TRAF3IP1: variants seen among roughly 807,000 people sequenced by gnomAD.
TRAF3IP1 encodes the protein TRAF3-interacting protein 1.
A neutral mutation model predicts 89.9 loss-of-function variants in TRAF3IP1; 53 were observed. That is an observed-to-expected ratio of 0.59 (90% CI 0.47 to 0.74). TRAF3IP1 has a LOEUF of 0.74. Ranked by LOEUF, TRAF3IP1 falls within the 30% of genes least tolerant of loss-of-function variation. TRAF3IP1 has a pLI of 0.00. For missense variants in TRAF3IP1, 806 were observed against 866.1 expected (o/e 0.93, Z 0.87); for synonymous variants, 311 against 322.1 (o/e 0.97, Z 0.37).
intron 15 of TRAF3IP1, among the ~76,000 whole-genome samples, chr2:238,357,125 G>C (rs1699451423): frequency 6.6e-6 from 1 of 152,042 alleles, no homozygotes. Context: ...TATTGTACCT[G>C]GTTCCCCGCA....
intron 15 of TRAF3IP1, among the ~76,000 whole-genome samples, chr2:238,366,449 A>G (rs1408632473): frequency 6.6e-6 from 1 of 152,238 alleles, no homozygotes; most frequent in Non-Finnish European, 1.5e-5. Context: ...CCTGAAAAAA[A>G]AATAGATACA....
rs1700070237 is a variant in TRAF3IP1, at chr2:238,370,577, C to T, written c.1689+14497C>T. Among the ~76,000 whole-genome samples the T allele has an allele frequency of 3.3e-5, 5 of 152,262 alleles. No individual in the cohort carries two copies. The South Asian group carries it at 8.3e-4, about 25-fold the overall frequency. Reference sequence around the variant, plus strand: ...ATTCTCCCTACCCCGGGCTCTCCCACCCCCAGCCTAGTGTACATGCTTCCC... The same window carrying T: ...ATTCTCCCTACCCCGGGCTCTCCCATCCCCAGCCTAGTGTACATGCTTCCC... On this transcript the variant is annotated intron_variant, in intron 15 of 16. Transcript: ENST00000373327.
chr2:238,384,685 A>G (rs1700692747), intron 15 of TRAF3IP1, among the ~76,000 whole-genome samples: 1 of 150,836 alleles, frequency 6.6e-6, no homozygotes, highest in African/African-American at 2.4e-5. Context: ...GCCTGGCCTG[A>G]TGTCCTTTAA....
intron 15 of TRAF3IP1, among the ~76,000 whole-genome samples, chr2:238,383,407 C>CT (rs1307652151): frequency 6.6e-6 from 1 of 152,198 alleles, no homozygotes. Flanking sequence ...CCTTTGGAAA[C>CT]TACCTATTAA....
At chr2:238,344,095 C>T (rs530457745) in intron 8 of TRAF3IP1, among the ~76,000 whole-genome samples, 3 of 152,220 alleles carry the variant, frequency 2.0e-5, no homozygotes, top group African/African-American at 7.2e-5. Context: ...TGCACTGTGT[C>T]CAAAATATTT....
chr2:238,398,275 G>A (rs2106388015), intron 16 of TRAF3IP1, among the ~76,000 whole-genome samples: 1 of 126,936 alleles, frequency 7.9e-6, no homozygotes, highest in Non-Finnish European at 1.7e-5. Flanking sequence ...CACAGGTAGG[G>A]GATAGCGGAG....
At chr2:238,334,713 TAGAA>T (rs1188751484) in intron 7 of TRAF3IP1, among the ~76,000 whole-genome samples, 1 of 152,220 alleles carries the variant, frequency 6.6e-6, no homozygotes, top group Non-Finnish European at 1.5e-5. Context: ...ATTTTCGCCT[TAGAA>T]AGGAGGCTTA....
chr2:238,343,684 ACTCTTTGCCCTG>A (rs1267835032), intron 8 of TRAF3IP1, among the ~76,000 whole-genome samples: 1 of 104,362 alleles, frequency 9.6e-6, no homozygotes, highest in Non-Finnish European at 1.8e-5. Flanking sequence ...ATAGGGTCTT[ACTCTTTGCCCTG>A]GGCTGGAGTG....
chr2:238,366,255 A>G (rs1699871052), intron 15 of TRAF3IP1, among the ~76,000 whole-genome samples: 1 of 152,204 alleles, frequency 6.6e-6, no homozygotes, highest in African/African-American at 2.4e-5. Context: ...AAAATCAGGC[A>G]CCAGCTATAT....
intron 7 of TRAF3IP1, 50 bp downstream of exon 7, chr2:238,334,085 T>TA: frequency 6.9e-7 from 1 of 1,452,562 alleles, no homozygotes; most frequent in Non-Finnish European, 9.4e-7. Context: ...TTAGTTTTTT[T>TA]TTTTTTTGTC....
intron 15 of TRAF3IP1, among the ~76,000 whole-genome samples, chr2:238,360,041 T>C (rs1410465241): frequency 1.3e-5 from 2 of 152,218 alleles, no homozygotes; most frequent in Admixed American, 6.5e-5. Flanking sequence ...CTGAGAGGGC[T>C]ACTAAGTGAC....
At chr2:238,324,934 C>T (rs564130597) in intron 1 of TRAF3IP1, among the ~76,000 whole-genome samples, 5 of 152,110 alleles carry the variant, frequency 3.3e-5, no homozygotes, top group Admixed American at 1.3e-4. Context: ...CATGTGCATC[C>T]GAAATGTCCC....
At position 238,343,449 on chromosome 2, in the gene TRAF3IP1, A is replaced by G. The variant is rs137995858; in HGVS notation, c.1160-1048A>G. 6.1e-3 allele frequency among the ~76,000 whole-genome samples: 923 copies of G among 151,200 alleles called. 10 individuals are homozygous for G. The highest frequency in any genetic ancestry group is 0.021 in the African/African-American group (877 of 41,156). ...CAGGCTGGAGAGTGGTGGCATGATC[A>G]TGGCTCACTGCAGCCTCGACCTCCT... is the stretch of plus-strand genomic sequence containing the variant. On this transcript the variant is annotated intron_variant, in intron 8 of 16. Coordinates refer to ENST00000373327, the MANE Select transcript of TRAF3IP1 (RefSeq NM_015650.4).
rs749672770 is a variant in TRAF3IP1 at position 238,334,031 on chromosome 2, G to T, written c.1059G>T (p.Val353=). Residue 353 remains valine, a synonymous_variant, in exon 7 of 17, where the codon GTG becomes GTT. Transcript: ENST00000373327. The part of the protein sequence containing the change: ...KTSKRRSKNS[V]EGRKEDNISA... ...CAAAACGGCGATCCAAAAATTCAGT[G>T]GAAGGTACTGCAAAACTTATATATG... 6.2e-7 allele frequency: 1 copy of T among 1,607,906 alleles called. No homozygotes were observed. The highest frequency in any genetic ancestry group is 1.1e-5 in the South Asian group (1 of 90,284).
chr2:238,342,419 A>G (rs1559365149), intron 8 of TRAF3IP1, among the ~76,000 whole-genome samples: 1 of 151,998 alleles, frequency 6.6e-6, no homozygotes, highest in Non-Finnish European at 1.5e-5. Context: ...GTCTGTTTTC[A>G]TGTTCTTTCT....
rs77693902 is a variant in TRAF3IP1, at chr2:238,351,836, T to G, written c.1452-991T>G. 1.3e-3 allele frequency among the ~76,000 whole-genome samples: 56 copies of G among 44,052 alleles called. No individual in the cohort carries two copies. Among genetic ancestry groups the G allele is most frequent in the South Asian group, 2.7e-3 (4 of 1,506 alleles). 28.9% of individuals were successfully genotyped at this position (44,052 alleles called of 152,430 possible). ...GCACTGAAGCAAGGGAGGATTTTGG[T>G]GTGTGTGTGTGTGTGTGTGTGTGTG... is the stretch of plus-strand genomic sequence containing the variant. On this transcript the variant is annotated intron_variant, in intron 12 of 16. Transcript: ENST00000373327. The surrounding 1 kb of genome is among the most constrained non-coding windows in gnomAD (Gnocchi z 5.2).
chr2:238,383,242 T>C (rs1246004480), intron 15 of TRAF3IP1, among the ~76,000 whole-genome samples: 1 of 152,132 alleles, frequency 6.6e-6, no homozygotes, highest in Admixed American at 6.5e-5. Context: ...CCCCATCTCC[T>C]TGGTGTCTCG....
At chr2:238,387,985 T>C (rs777220566) in intron 15 of TRAF3IP1, among the ~76,000 whole-genome samples, 10 of 152,134 alleles carry the variant, frequency 6.6e-5, no homozygotes, top group Non-Finnish European at 1.3e-4. Context: ...CTTGGGAGGC[T>C]GAGATGGAAG....
Position 238,332,895 on chromosome 2 carries a change from G to C in TRAF3IP1, c.987G>C (p.Glu329Asp). 1 of 1,608,644 alleles carries C rather than the reference G, an allele frequency of 6.2e-7. No individual in the cohort carries two copies. The highest frequency in any genetic ancestry group is 8.5e-7 in the Non-Finnish European group (1 of 1,175,578). ...TTAAAGACTCCAAGGCTGAAACAGA[G>C]GTAAACTTTAAAAAATAACTTTTAA... ...GTFKDSKAETETEISTRASKS... is the reference protein window; with the variant it reads ...GTFKDSKAETDTEISTRASKS... Residue 329 changes from glutamate (E) to aspartate (D), a missense_variant and splice_region_variant, in exon 6 of 17, where the codon GAG (glutamate) becomes GAC (aspartate). This residue lies in a region of TRAF3IP1 where 732 missense variants were observed against 780.5 expected (regional missense o/e 0.94). Transcript: ENST00000373327.
Sources: allele counts gnomAD v4.1 joint callset (sites outside exome capture counted in the v4.1 genomes callset), GRCh38; gene constraint gnomAD v4.1.1; regional missense constraint gnomAD v4.1.1; non-coding constraint Gnocchi (gnomAD v3.1); transcripts MANE v1.5; gene names NCBI Gene and HGNC (gene_info 2026-07-23, HGNC 2026-07-21).